Variants in TBXAS1 observed in about 807,000 individuals in gnomAD.
TBXAS1 encodes thromboxane A synthase 1, also known as thromboxane-A synthase.
TBXAS1 carries 48 observed loss-of-function variants against 60.7 expected under a neutral mutation model. The observed-to-expected ratio is 0.79, with a 90% CI of 0.63 to 1.01. The LOEUF (loss-of-function observed/expected upper bound fraction) is 1.01. TBXAS1 is among the 50% of genes least tolerant of loss of function. TBXAS1 has a pLI of 0.00. For missense variants in TBXAS1, 685 were observed against 686.3 expected, an observed-to-expected ratio of 1.00 and a Z score of 0.02; for synonymous variants, 287 against 269.7, an observed-to-expected ratio of 1.06 and a Z score of -0.63.
chr7:139,787,992 A>G (rs1797253026), intron 4 of TBXAS1, among the ~76,000 whole-genome samples: 1 of 152,248 alleles, frequency 6.6e-6, no homozygotes, highest in African/African-American at 2.4e-5. Context: ...ACATTAAATA[A>G]CAAGATTTAA....
chr7:139,868,944 C>A (rs374251572), intron 1 of TBXAS1, among the ~76,000 whole-genome samples: 1 of 151,820 alleles, frequency 6.6e-6, no homozygotes, highest in African/African-American at 2.4e-5. Context: ...CGAGCCACCA[C>A]GACCAGGCTC....
At chr7:139,826,593 A>G (rs191287442), upstream of TBXAS1, among the ~76,000 whole-genome samples, 238 of 152,294 alleles carry the variant, frequency 1.6e-3, no homozygotes, top group African/African-American at 5.4e-3. Flanking sequence ...ACGTTTGAAT[A>G]TAATCTTTCG....
chr7:139,785,115 T>C (rs1797145785), intron 3 of TBXAS1, among the ~76,000 whole-genome samples: 1 of 152,158 alleles, frequency 6.6e-6, no homozygotes, highest in Admixed American at 6.5e-5. Flanking sequence ...GTTCCATAAC[T>C]ACAGGTGTGG....
At chr7:139,890,115 G>A (rs1167280414) in intron 3 of TBXAS1, among the ~76,000 whole-genome samples, 1 of 151,552 alleles carries the variant, frequency 6.6e-6, no homozygotes, top group East Asian at 1.9e-4. Flanking sequence ...AATAGCAAAA[G>A]GAACACAGGT....
intron 9 of TBXAS1, among the ~76,000 whole-genome samples, chr7:139,996,726 T>G (rs1401034376): frequency 2.0e-5 from 3 of 152,226 alleles, no homozygotes; most frequent in Non-Finnish European, 4.4e-5. Context: ...CCAGGCTGCA[T>G]GTGATAATCC....
intron 4 of TBXAS1, among the ~76,000 whole-genome samples, chr7:139,814,003 T>C (rs1798087879): frequency 6.6e-6 from 1 of 152,170 alleles, no homozygotes; most frequent in African/African-American, 2.4e-5. Context: ...TTTTGGACCG[T>C]TTGTGTGGCA....
Position 140,020,122 on chromosome 7 carries a change from G to GTGCCCTCCCCCCACCC in TBXAS1, c.*23_*24insTGCCCTCCCCCCACCC. The GTGCCCTCCCCCCACCC allele has an allele frequency of 6.2e-7, 1 of 1,604,970 alleles. No homozygotes were observed. Among genetic ancestry groups the GTGCCCTCCCCCCACCC allele is most frequent in the Non-Finnish European group, 8.5e-7 (1 of 1,172,004 alleles). On this transcript the variant is annotated 3_prime_UTR_variant, in exon 13 of 13. Transcript: ENST00000448866. The stretch of plus-strand genomic sequence containing the variant: ...TGACACAGAAGGCTGCCGGGTGGGG[G>GTGCCCTCCCCCCACCC]GAGGGCACCCCCAAATTCAAAGAAA...
At chr7:139,883,294 G>C (rs778048470) in intron 3 of TBXAS1, among the ~76,000 whole-genome samples, 10 of 152,188 alleles carry the variant, frequency 6.6e-5, no homozygotes, top group African/African-American at 1.4e-4. Context: ...TTGCTACAAA[G>C]CTTCCATGCT....
At chr7:139,834,447 A>G (rs1486336130) in intron 1 of TBXAS1, among the ~76,000 whole-genome samples, 1 of 152,202 alleles carries the variant, frequency 6.6e-6, no homozygotes, top group Non-Finnish European at 1.5e-5. Context: ...CAGTAGAAGA[A>G]AGGAAATAAC....
intron 1 of TBXAS1, among the ~76,000 whole-genome samples, chr7:139,855,799 T>G (rs1401917662): frequency 6.6e-6 from 1 of 152,214 alleles, no homozygotes; most frequent in Non-Finnish European, 1.5e-5. Context: ...GATCCTTTTC[T>G]GTGAGCTACA....
rs1399344290 is a variant in TBXAS1 at position 139,865,025 on chromosome 7, G to A, written c.90-7210G>A. Among the ~76,000 whole-genome samples, 8 of 152,152 alleles carry A rather than the reference G, an allele frequency of 5.3e-5. No homozygotes were observed. In the South Asian group the frequency reaches 6.2e-4, roughly 12 times the overall value. ...TATAAATTTGTAAATGAACAGTCTC[G>A]TTTGCAGGTTGTATTTTAGGGCATA... is the stretch of plus-strand genomic sequence containing the variant. On this transcript the variant is annotated intron_variant, in intron 1 of 12. Coordinates refer to ENST00000448866, the MANE Select transcript of TBXAS1 (RefSeq NM_001061.7).
rs550606605 is a variant in TBXAS1 at position 140,003,077 on chromosome 7, C to T, written c.1135-4014C>T. ...AGGCAGAGGTTGCAGTGAGCCGAGA[C>T]CGGGCCATTGTACTCCAGCCTGGGC... On this transcript the variant is annotated intron_variant, in intron 9 of 12. Transcript: ENST00000448866. Among the ~76,000 whole-genome samples the T allele has an allele frequency of 2.7e-5, 4 of 147,774 alleles. No homozygotes were observed. In the East Asian group the frequency reaches 8.1e-4, roughly 30 times the overall value.
intron 6 of TBXAS1, among the ~76,000 whole-genome samples, chr7:139,954,965 TA>T (rs1221527344): frequency 6.6e-6 from 1 of 152,234 alleles, no homozygotes; most frequent in Non-Finnish European, 1.5e-5. Flanking sequence ...ACAAAGTTAA[TA>T]AAACTAGATA....
intron 1 of TBXAS1, among the ~76,000 whole-genome samples, chr7:139,871,537 C>T (rs1801823796): frequency 6.6e-6 from 1 of 152,254 alleles, no homozygotes; most frequent in Non-Finnish European, 1.5e-5. Context: ...GACAGCCACA[C>T]TGCACTTCTC....
chr7:139,952,988 G>T (rs949878554), intron 5 of TBXAS1, among the ~76,000 whole-genome samples: 1 of 152,120 alleles, frequency 6.6e-6, no homozygotes, highest in Non-Finnish European at 1.5e-5. Flanking sequence ...TTAATTCCAG[G>T]GATTGTGCAT....
intron 1 of TBXAS1, among the ~76,000 whole-genome samples, chr7:139,857,594 G>A (rs920118649): frequency 3.9e-5 from 6 of 152,156 alleles, no homozygotes; most frequent in African/African-American, 1.4e-4. Flanking sequence ...CACGTTGTGT[G>A]TGTTTTCGGA....
intron 1 of TBXAS1, among the ~76,000 whole-genome samples, chr7:139,859,081 G>A (rs1217243439): frequency 6.6e-6 from 1 of 151,986 alleles, no homozygotes; most frequent in Non-Finnish European, 1.5e-5. Flanking sequence ...CTCCATGTTG[G>A]TCAGGCTGGT....
rs1797490739 is a variant in TBXAS1 at position 139,794,485 on chromosome 7, T to A, written c.-80+7059T>A. Among the ~76,000 whole-genome samples, 3 of 152,062 alleles carry A rather than the reference T, an allele frequency of 2.0e-5. No homozygotes were observed. The South Asian group carries it at 6.2e-4, about 31-fold the overall frequency. The stretch of plus-strand genomic sequence containing the variant: ...TTCTGGACTTTGAAGAACTTCCCTT[T>A]TCTAGCCAATCTTCTGTCTTCTCCC... On this transcript the variant is annotated intron_variant, in intron 4 of 16. Coordinates refer to the TBXAS1 transcript ENST00000336425.
intron 4 of TBXAS1, among the ~76,000 whole-genome samples, chr7:139,791,917 AAG>A (rs1420944006): frequency 6.6e-6 from 1 of 152,068 alleles, no homozygotes; most frequent in African/African-American, 2.4e-5. Flanking sequence ...ATTTAGAAAA[AAG>A]AAGTGAAGAA....
Sources: gnomAD v4.1 joint callset for allele counts (sites outside exome capture counted in the v4.1 genomes callset) on GRCh38, gnomAD v4.1.1 for gene constraint, MANE v1.5 for transcripts, NCBI Gene and HGNC (gene_info 2026-07-23, HGNC 2026-07-21) for gene names.